MYO1F: variants seen among roughly 807,000 people sequenced by gnomAD.
MYO1F encodes the protein unconventional myosin-If.
In MYO1F, 60 loss-of-function variants were observed where a neutral mutation model predicts 146.6. That is an observed-to-expected ratio of 0.41 (90% CI 0.33 to 0.51). MYO1F has a LOEUF of 0.51. Ranked by LOEUF, MYO1F falls within the 20% of genes least tolerant of loss-of-function variation. MYO1F has a pLI of 0.25. For missense variants in MYO1F, 1,274 were observed against 1,534.3 expected (o/e 0.83, Z 2.83); for synonymous variants, 602 against 602.1 (o/e 1.00, Z 0.00).
At chr19:8,528,170 C>T (rs764757771) in intron 21 of MYO1F, among the ~76,000 whole-genome samples, 8 of 151,866 alleles carry the variant, frequency 5.3e-5, no homozygotes, top group African/African-American at 9.7e-5. Context: ...TGCAGTGAGC[C>T]GAGATCCTGC....
rs778532982 is a variant in MYO1F at position 8,536,580 on chromosome 19, T to C, written c.1817A>G (p.Glu606Gly). Residue 606 changes from glutamate to glycine, a missense_variant, in exon 18 of 28, where the codon GAA becomes GGA. Physicochemically the swap from Glu to Gly is moderately conservative, Grantham distance 98. This residue lies in a region of MYO1F where 900 missense variants were observed against 1,155.1 expected (regional missense o/e 0.78). Coordinates refer to ENST00000644032, the MANE Select transcript of MYO1F (RefSeq NM_012335.4). Reference protein sequence around the residue: ...WEENRVKHQVEYLGLKENIRV... With the variant: ...WEENRVKHQVGYLGLKENIRV... ...GATGTTCTCCTTCAGGCCCAGGTATTCCACCTGGTGCTTGACTCTGGTGGG... is the reference window on the plus strand; with the variant it reads ...GATGTTCTCCTTCAGGCCCAGGTATCCCACCTGGTGCTTGACTCTGGTGGG... 7.3e-7 allele frequency: 1 copy of C among 1,375,716 alleles called. No homozygotes were observed. 85.2% of individuals were successfully genotyped at this position (1,375,716 alleles called of 1,614,324 possible).
intron 12 of MYO1F, 45 bp downstream of exon 12, chr19:8,547,991 A>ACCCCCCCCCCC: frequency 2.3e-6 from 1 of 435,420 alleles, no homozygotes; most frequent in Admixed American, 3.0e-5. Context: ...CTTCCACCCC[A>ACCCCCCCCCCC]CCCCCACCCC....
At chr19:8,531,756 A>T (rs1972496635) in intron 19 of MYO1F, among the ~76,000 whole-genome samples, 1 of 152,226 alleles carries the variant, frequency 6.6e-6, no homozygotes, top group Admixed American at 6.5e-5. Context: ...CACGAGGTAC[A>T]CTGCCGTGTC....
chr19:8,566,695 G>T (rs1162966765), intron 1 of MYO1F, among the ~76,000 whole-genome samples: 4 of 149,852 alleles, frequency 2.7e-5, no homozygotes, highest in Non-Finnish European at 5.9e-5. Context: ...TGTATTTTTT[G>T]TAGAGATGGG....
At chr19:8,561,538 C>T (rs1295756333) in intron 1 of MYO1F, among the ~76,000 whole-genome samples, 1 of 142,226 alleles carries the variant, frequency 7.0e-6, no homozygotes, top group Non-Finnish European at 1.5e-5. Context: ...CTTCTTTCTT[C>T]CTCTTTCTTT....
At chr19:8,543,876 CTGGTGGTGGTGGTGG>C (rs1249891704) in intron 14 of MYO1F, among the ~76,000 whole-genome samples, 1 of 8,820 alleles carries the variant, frequency 1.1e-4, no homozygotes, top group Non-Finnish European at 1.9e-4. Context: ...GCTGGTGGTG[CTGGTGGTGGTGGTGG>C]TGGTGCTGGT....
intron 23 of MYO1F, 87 bp downstream of exon 23, chr19:8,526,702 G>A: frequency 6.5e-7 from 1 of 1,532,176 alleles, no homozygotes; most frequent in Non-Finnish European, 8.8e-7. Context: ...CGGGGCCGAA[G>A]CGCAGTTCGG....
At chr19:8,531,671 GC>G (rs1972491241) in intron 19 of MYO1F, among the ~76,000 whole-genome samples, 1 of 152,182 alleles carries the variant, frequency 6.6e-6, no homozygotes, top group African/African-American at 2.4e-5. Flanking sequence ...TCACAGCTGT[GC>G]CACTTACTAC....
At chr19:8,543,619 G>T (rs953221681) in intron 14 of MYO1F, among the ~76,000 whole-genome samples, 2 of 150,000 alleles carry the variant, frequency 1.3e-5, no homozygotes, top group Non-Finnish European at 3.0e-5. Flanking sequence ...GGTTTCTGCA[G>T]CCCTGGCCCA....
chr19:8,553,894 A>ACTCTCTCTCTCTCTCTCTCTCTCT, intron 4 of MYO1F, among the ~76,000 whole-genome samples: 1 of 102,666 alleles, frequency 9.7e-6, no homozygotes, highest in East Asian at 3.1e-4. Context: ...ACACACACAC[A>ACTCTCTCTCTCTCTCTCTCTCTCT]CTCTCTCTCT....
chr19:8,527,299 G>T (rs375279183), intron 22 of MYO1F, 39 bp downstream of exon 22: 1 of 1,613,408 alleles, frequency 6.2e-7, no homozygotes, highest in Non-Finnish European at 8.5e-7. Flanking sequence ...CAGGGGACAG[G>T]TGAGAGTGAC....
chr19:8,561,748 G>A (rs142799836), intron 1 of MYO1F, among the ~76,000 whole-genome samples: 1,780 of 139,342 alleles, frequency 0.013, 11 homozygotes, highest in Middle Eastern at 0.042. Flanking sequence ...ATGGAGTCTC[G>A]CTCTGTTGGC....
At chr19:8,557,944 C>T (rs1397026940) in intron 1 of MYO1F, among the ~76,000 whole-genome samples, 5 of 152,090 alleles carry the variant, frequency 3.3e-5, no homozygotes, top group Non-Finnish European at 7.4e-5. Context: ...CCAGCTGGTC[C>T]CTTTGAGCTC....
At position 8,556,154 on chromosome 19, in the gene MYO1F, G is replaced by A. The variant is rs369880513; in HGVS notation, c.4-358C>T. 6.7e-4 allele frequency among the ~76,000 whole-genome samples: 101 copies of A among 151,176 alleles called. 1 individual carries two copies. The highest frequency in any genetic ancestry group is 6.2e-3 in the East Asian group (31 of 4,968). ...AGCGATTCTCCTGCCTCAGCCTCCCGAGTAGCTGGGATTACAGGTGCCCAC... is the reference window on the plus strand; with the variant it reads ...AGCGATTCTCCTGCCTCAGCCTCCCAAGTAGCTGGGATTACAGGTGCCCAC... On this transcript the variant is annotated intron_variant, in intron 1 of 27. Transcript: ENST00000644032.
At chr19:8,534,426 G>A (rs1296076229) in intron 19 of MYO1F, among the ~76,000 whole-genome samples, 1 of 151,270 alleles carries the variant, frequency 6.6e-6, no homozygotes, top group Non-Finnish European at 1.5e-5. Context: ...TCCTGCCTCA[G>A]CCTCCCAGGT....
At chr19:8,559,208 G>A (rs765940060) in intron 1 of MYO1F, among the ~76,000 whole-genome samples, 4 of 151,476 alleles carry the variant, frequency 2.6e-5, no homozygotes, top group Non-Finnish European at 5.9e-5. Flanking sequence ...AGTGGACTGT[G>A]TTTGCCAGTG....
Position 8,555,376 on chromosome 19 carries a change from CAAAAAAAAAAA to C in MYO1F, c.141+272_141+282del, listed in dbSNP as rs886749061. ...TGGGCGACAGAGCAAGACTCCGTCT[CAAAAAAAAAAA>C]AAAAAAAAAAAAAAAAAAAGAACAA... is the stretch of plus-strand genomic sequence containing the variant. On this transcript the variant is annotated intron_variant, in intron 2 of 27. Coordinates refer to ENST00000644032, the MANE Select transcript of MYO1F (RefSeq NM_012335.4). The C allele has an allele frequency of 3.6e-4, 36 of 100,282 alleles. 1 individual carries two copies. The highest frequency in any genetic ancestry group is 8.7e-4 in the African/African-American group (11 of 12,642). The allele number at this position is 100,282 out of a possible 1,614,324, so 6.2% of individuals were successfully genotyped here. A position where few individuals can be genotyped will look rare whatever the true frequency, so the allele number is the denominator to read the frequency against.
chr19:8,522,928 G>A (rs963401921), intron 25 of MYO1F, 99 bp from the exon 26 acceptor site: 76 of 1,059,070 alleles, frequency 7.2e-5, no homozygotes, highest in Non-Finnish European at 8.1e-5. Context: ...AGGAGACTGC[G>A]ACACTCTCAA....
chr19:8,522,730 G>C lies in MYO1F; in HGVS notation c.2954C>G (p.Pro985Arg), dbSNP rs570160376. Residue 985 changes from proline to arginine, a missense_variant, in exon 26 of 28, where the codon CCG becomes CGG. Around this residue, in one of 2 missense-constraint regions of MYO1F, gnomAD observed 374 missense variants for 379.2 expected, o/e 0.99. Coordinates refer to ENST00000644032, the MANE Select transcript of MYO1F (RefSeq NM_012335.4). ...GGTHRPPRGP[P>R]STSLGASRRP... The stretch of plus-strand genomic sequence containing the variant: ...TCTGCTGGCTCCCAGGGATGTGGAC[G>C]GAGGGCCCCGGGGAGGCCTGTGGGT... 1.1e-5 allele frequency: 18 copies of C among 1,613,188 alleles called. No individual in the cohort carries two copies. The South Asian group carries it at 1.9e-4, about 17-fold the overall frequency.
Sources: allele counts gnomAD v4.1 joint callset (sites outside exome capture counted in the v4.1 genomes callset), GRCh38; gene constraint gnomAD v4.1.1; regional missense constraint gnomAD v4.1.1; transcripts MANE v1.5; gene names NCBI Gene and HGNC (gene_info 2026-07-23, HGNC 2026-07-21).